COL19A1: variants seen among roughly 807,000 people sequenced by gnomAD.
The protein encoded by COL19A1 is collagen alpha-1(XIX) chain.
A neutral mutation model predicts 190.2 loss-of-function variants in COL19A1; 159 were observed. The ratio of observed to expected loss-of-function variants is 0.84; its 90% CI spans 0.73 to 0.95. The LOEUF is 0.95. COL19A1 is among the 40% of genes least tolerant of loss of function. COL19A1 has a pLI of 0.00. For missense variants in COL19A1, 1,418 were observed against 1,431.9 expected, an observed-to-expected ratio of 0.99 and a Z score of 0.16; for synonymous variants, 509 against 458.9, an observed-to-expected ratio of 1.11 and a Z score of -1.39.
intron 17 of COL19A1, among the ~76,000 whole-genome samples, chr6:70,122,304 A>G (rs1562195069): frequency 1.3e-5 from 2 of 152,184 alleles, no homozygotes; most frequent in Non-Finnish European, 2.9e-5. Context: ...TAGACTTCTT[A>G]TCAAAACCAA....
intron 15 of COL19A1, among the ~76,000 whole-genome samples, chr6:70,091,367 G>T (rs530832403): frequency 6.6e-6 from 1 of 152,216 alleles, no homozygotes; most frequent in East Asian, 1.9e-4. Flanking sequence ...TACTATTATT[G>T]TCCCCACTGG....
At chr6:70,002,331 T>G (rs1777314198) in intron 11 of COL19A1, among the ~76,000 whole-genome samples, 1 of 152,118 alleles carries the variant, frequency 6.6e-6, no homozygotes, top group Admixed American at 6.5e-5. Context: ...GTTTTCTTTT[T>G]TTGTTGTTGT....
intron 15 of COL19A1, among the ~76,000 whole-genome samples, chr6:70,068,854 A>G (rs1562140667): frequency 6.6e-6 from 1 of 152,098 alleles, no homozygotes; most frequent in Non-Finnish European, 1.5e-5. Flanking sequence ...AAATTAAATT[A>G]TTGACTTCAC....
intron 47 of COL19A1, 79 bp from the exon 48 acceptor site, chr6:70,190,236 G>A (rs1766777356): frequency 1.8e-6 from 2 of 1,121,856 alleles, no homozygotes; most frequent in South Asian, 1.4e-5. Context: ...TTTCAAATAG[G>A]CAAGCCAACC....
Position 69,922,441 on chromosome 6 carries a change from CTA to C in COL19A1, c.267-5467_267-5466del, listed in dbSNP as rs550422388. ...TGCAAAAATATTTTCAGCTTTTGAA[CTA>C]GATTATAAATTATCGAAAAATAATT... On this transcript the variant is annotated intron_variant, in intron 4 of 50. Coordinates refer to ENST00000620364, the MANE Select transcript of COL19A1 (RefSeq NM_001858.6). Among the ~76,000 whole-genome samples the C allele has an allele frequency of 7.8e-3, 1,145 of 146,514 alleles. 15 individuals are homozygous for C. The highest frequency in any genetic ancestry group is 0.027 in the African/African-American group (1,065 of 39,724).
At chr6:70,128,031 T>C (rs972991048) in intron 17 of COL19A1, among the ~76,000 whole-genome samples, 2 of 152,208 alleles carry the variant, frequency 1.3e-5, no homozygotes, top group African/African-American at 4.8e-5. Context: ...AAACTGATTC[T>C]TTTTCTCCCA....
intron 4 of COL19A1, among the ~76,000 whole-genome samples, chr6:69,923,127 CA>C (rs573141926): frequency 8.6e-5 from 13 of 152,026 alleles, no homozygotes; most frequent in Non-Finnish European, 1.8e-4. Context: ...ACCTACTCCT[CA>C]AAAAAAGCAA....
intron 12 of COL19A1, among the ~76,000 whole-genome samples, chr6:70,032,358 C>T (rs2150114482): frequency 6.6e-6 from 1 of 152,216 alleles, no homozygotes; most frequent in Admixed American, 6.5e-5. Context: ...GAAGAGGGCT[C>T]AGAGAACCAT....
chr6:69,875,457 G>T (rs1364193297), intron 1 of COL19A1, among the ~76,000 whole-genome samples: 1 of 152,228 alleles, frequency 6.6e-6, no homozygotes, highest in Non-Finnish European at 1.5e-5. Flanking sequence ...TCAGAATTCA[G>T]TAATGAATGA....
At chr6:70,102,428 G>T (rs1783695410) in intron 16 of COL19A1, among the ~76,000 whole-genome samples, 1 of 152,126 alleles carries the variant, frequency 6.6e-6, no homozygotes, top group Admixed American at 6.5e-5. Context: ...GAGGGAGGCT[G>T]GTAATTGTCC....
intron 36 of COL19A1, among the ~76,000 whole-genome samples, chr6:70,163,899 T>C (rs1787973493): frequency 6.6e-6 from 1 of 152,206 alleles, no homozygotes; most frequent in Non-Finnish European, 1.5e-5. Context: ...TGTTCATAGA[T>C]GTCACCTACT....
rs1491268889 is a variant in COL19A1, at chr6:70,195,135, TGA to T, written c.3095-4472_3095-4471del. ...TCATCTGATAAATATACATCATTGA[TGA>T]TATATATATATATATATATATATAT... On this transcript the variant is annotated intron_variant, in intron 48 of 50. Transcript: ENST00000620364. Among the ~76,000 whole-genome samples, 5 of 113,998 alleles carry T rather than the reference TGA, an allele frequency of 4.4e-5. No homozygotes were observed. In the East Asian group the frequency reaches 1.1e-3, roughly 26 times the overall value. The allele number at this position is 113,998 out of a possible 152,430, so 74.8% of individuals were successfully genotyped here. A position where few individuals can be genotyped will look rare whatever the true frequency, so the allele number is the denominator to read the frequency against.
intron 14 of COL19A1, among the ~76,000 whole-genome samples, chr6:70,040,626 C>T (rs1435884051): frequency 6.6e-6 from 1 of 151,960 alleles, no homozygotes; most frequent in Non-Finnish European, 1.5e-5. Context: ...CGTTTGAATC[C>T]TTCTATAGAT....
chr6:70,092,512 G>GT (rs111711248), intron 15 of COL19A1, among the ~76,000 whole-genome samples: 3,268 of 152,084 alleles, frequency 0.021, 118 homozygotes, highest in African/African-American at 0.074. Flanking sequence ...TTTTGATAGG[G>GT]TTTTTTTCTG....
In COL19A1 at chr6:70,188,130, G is replaced by A. The variant is rs1766640547; in HGVS notation, c.2912G>A (p.Gly971Asp). Residue 971 changes from glycine to aspartate, a missense_variant, in exon 47 of 51, where the codon GGC (glycine) becomes GAC (aspartate). Physicochemically the swap from Gly to Asp is moderately conservative, Grantham distance 94 (BLOSUM62 -1). Coordinates refer to ENST00000620364, the MANE Select transcript of COL19A1 (RefSeq NM_001858.6). ...TCACAAGGTGAACGGGGAAAACCAG[G>A]CCTTACAGGCATGAAGGGGGCCATC... ...RGSQGERGKPGLTGMKGAIGP... is the reference protein window; with the variant it reads ...RGSQGERGKPDLTGMKGAIGP... 6.2e-7 allele frequency: 1 copy of A among 1,613,874 alleles called. No homozygotes were observed. Among genetic ancestry groups the A allele is most frequent in the African/African-American group, 1.3e-5 (1 of 75,038 alleles).
intron 44 of COL19A1, among the ~76,000 whole-genome samples, chr6:70,181,496 G>C (rs1295357265): frequency 6.6e-6 from 1 of 151,676 alleles, no homozygotes; most frequent in Non-Finnish European, 1.5e-5. Flanking sequence ...CCCCTGCAAG[G>C]CATATCATTA....
intron 48 of COL19A1, 26 bp downstream of exon 48, chr6:70,190,407 G>C: frequency 6.7e-7 from 1 of 1,502,716 alleles, no homozygotes. Context: ...TAACATTTTC[G>C]AATTTTTCAC....
Position 69,968,612 on chromosome 6 carries a change from A to T in COL19A1, c.1026+5742A>T, listed in dbSNP as rs117992151. ...AGAAAATCAATAGTGATCATTTGCTACTAGAAACAACAGTTATGGCTTTAA... is the reference window on the plus strand; with the variant it reads ...AGAAAATCAATAGTGATCATTTGCTTCTAGAAACAACAGTTATGGCTTTAA... On this transcript the variant is annotated intron_variant, in intron 11 of 50. Transcript: ENST00000620364. Among the ~76,000 whole-genome samples the T allele has an allele frequency of 7.6e-3, 1,160 of 152,296 alleles. 5 individuals carry two copies. Among genetic ancestry groups the T allele is most frequent in the Non-Finnish European group, 0.012 (814 of 67,998 alleles).
At chr6:70,111,564 A>C (rs1582937908) in intron 16 of COL19A1, among the ~76,000 whole-genome samples, 1 of 152,348 alleles carries the variant, frequency 6.6e-6, no homozygotes, top group East Asian at 1.9e-4. Flanking sequence ...TTTAAGAAGC[A>C]GGAAAAACAT....
Sources: gnomAD v4.1 joint callset for allele counts (sites outside exome capture counted in the v4.1 genomes callset) on GRCh38, gnomAD v4.1.1 for gene constraint, MANE v1.5 for transcripts, NCBI Gene and HGNC (gene_info 2026-07-23, HGNC 2026-07-21) for gene names.